The following PAWR variants were observed in gnomAD, a reference collection of about 807,000 sequenced individuals.
The protein encoded by PAWR is PRKC apoptosis WT1 regulator protein.
In PAWR, 23 loss-of-function variants were observed where a neutral mutation model predicts 32.0. The ratio of observed to expected loss-of-function variants is 0.72; its 90% confidence interval spans 0.52 to 1.02. PAWR has a LOEUF of 1.02. PAWR is among the 50% of genes least tolerant of loss of function. The probability of loss-of-function intolerance (pLI) is 0.00; values close to 1 mark genes in which losing one functional copy is unlikely to be tolerated. For missense variants in PAWR, 457 were observed against 437.7 expected (o/e 1.04, Z -0.39); for synonymous variants, 226 against 187.1 (o/e 1.21, Z -1.70).
intron 2 of PAWR, among the ~76,000 whole-genome samples, chr12:79,632,337 A>ATATG (rs1875716438): frequency 2.0e-5 from 1 of 50,950 alleles, no homozygotes; most frequent in Non-Finnish European, 2.8e-5. Flanking sequence ...ATATATATAT[A>ATATG]TATATATATA....
chr12:79,602,044 T>C (rs1401648871), intron 4 of PAWR, among the ~76,000 whole-genome samples: 3 of 152,190 alleles, frequency 2.0e-5, no homozygotes, highest in African/African-American at 4.8e-5. Flanking sequence ...TATTTTGTAA[T>C]AGTTAAACTA....
intron 2 of PAWR, among the ~76,000 whole-genome samples, chr12:79,665,981 TATC>T (rs1247789372): frequency 6.6e-6 from 1 of 152,210 alleles, no homozygotes; most frequent in Non-Finnish European, 1.5e-5. Flanking sequence ...TAGGTGAAAG[TATC>T]ATCAGATAAC....
intron 4 of PAWR, among the ~76,000 whole-genome samples, chr12:79,610,074 T>C (rs539545472): frequency 1.3e-5 from 2 of 152,244 alleles, no homozygotes; most frequent in East Asian, 3.9e-4. Flanking sequence ...TGAGTGGAAT[T>C]TGCCCCTGCC....
intron 2 of PAWR, among the ~76,000 whole-genome samples, chr12:79,669,896 T>TTGC (rs1311422068): frequency 2.0e-5 from 3 of 152,102 alleles, no homozygotes; most frequent in African/African-American, 7.2e-5. Context: ...AGATGGGGTT[T>TTGC]TGCCATGTTG....
In PAWR at chr12:79,589,589, TATAA is replaced by T. The variant is rs908359013; in HGVS notation, c.*3014_*3017del. ...TATATTTAGTAAATCCCTTAGTACCTATAAATACACACCCAAAAGCCCTTCCCTC... is the reference window on the plus strand; with the variant it reads ...TATATTTAGTAAATCCCTTAGTACCTATACACACCCAAAAGCCCTTCCCTC... On this transcript the variant is annotated 3_prime_UTR_variant, in exon 7 of 7. Transcript: ENST00000328827. 1.5e-4 allele frequency: 23 copies of T among 152,244 alleles called. No individual in the cohort carries two copies. Among genetic ancestry groups the T allele is most frequent in the African/African-American group, 5.1e-4 (21 of 41,562 alleles). The allele number at this position is 152,244 out of a possible 1,614,324, so 9.4% of individuals were successfully genotyped here.
intron 2 of PAWR, among the ~76,000 whole-genome samples, chr12:79,659,324 T>A (rs899985374): frequency 3.3e-5 from 5 of 151,854 alleles, no homozygotes; most frequent in Non-Finnish European, 5.9e-5. Context: ...AAATTCAAGC[T>A]AAAAAAATAT....
At chr12:79,604,632 T>C (rs1874096527) in intron 4 of PAWR, 2 of 1,286,450 alleles carry the variant, frequency 1.6e-6, no homozygotes, top group Non-Finnish European at 2.0e-6. Flanking sequence ...TCCATCCTTT[T>C]AGTATCTTTC....
intron 2 of PAWR, among the ~76,000 whole-genome samples, chr12:79,685,972 C>T (rs1878662331): frequency 6.6e-6 from 1 of 152,158 alleles, no homozygotes; most frequent in African/African-American, 2.4e-5. Context: ...TCTAAGTCTT[C>T]ATTTTCTCCT....
chr12:79,640,200 G>T (rs1326096193), intron 2 of PAWR, among the ~76,000 whole-genome samples: 1 of 152,044 alleles, frequency 6.6e-6, no homozygotes, highest in Non-Finnish European at 1.5e-5. Flanking sequence ...ACCGTGCCTG[G>T]CCATAAATCT....
At chr12:79,595,836 G>C (rs1371283360) in intron 5 of PAWR, among the ~76,000 whole-genome samples, 2 of 152,044 alleles carry the variant, frequency 1.3e-5, no homozygotes, top group Non-Finnish European at 2.9e-5. Flanking sequence ...TAGGCAACAA[G>C]AGCGAAACTC....
intron 2 of PAWR, among the ~76,000 whole-genome samples, chr12:79,665,713 A>T (rs1877569460): frequency 6.6e-6 from 1 of 152,040 alleles, no homozygotes; most frequent in South Asian, 2.1e-4. Context: ...TTCCATTCCA[A>T]GTCTTAGTCT....
chr12:79,688,223 T>G (rs913850970), intron 2 of PAWR: 2 of 147,702 alleles, frequency 1.4e-5, no homozygotes, highest in African/African-American at 5.0e-5. Flanking sequence ...ACATTACCCT[T>G]GTTTAAAAAA....
intron 2 of PAWR, among the ~76,000 whole-genome samples, chr12:79,686,666 A>C (rs945657368): frequency 3.3e-5 from 5 of 152,138 alleles, no homozygotes; most frequent in Non-Finnish European, 1.5e-5. Flanking sequence ...TATACTATAC[A>C]AACAATTATG....
At chr12:79,648,927 GC>G (rs1437795717) in intron 2 of PAWR, among the ~76,000 whole-genome samples, 1 of 152,122 alleles carries the variant, frequency 6.6e-6, no homozygotes, top group Non-Finnish European at 1.5e-5. Context: ...TGCTATTCAT[GC>G]TTTTAAAATG....
In PAWR at chr12:79,644,872, G is replaced by A. The variant is rs147786254; in HGVS notation, c.517-23665C>T. ...CACCTCAGACAAACTTTAAATTTCT[G>A]AGGGAAACAAAGTAATTTTAGGTAA... On this transcript the variant is annotated intron_variant, in intron 2 of 6. Transcript: ENST00000328827. Among the ~76,000 whole-genome samples the A allele has an allele frequency of 2.4e-4, 37 of 152,164 alleles. No individual in the cohort carries two copies. The East Asian group carries it at 6.7e-3, about 28-fold the overall frequency.
chr12:79,649,905 G>C (rs946759333), intron 2 of PAWR, among the ~76,000 whole-genome samples: 1 of 152,212 alleles, frequency 6.6e-6, no homozygotes, highest in Non-Finnish European at 1.5e-5. Context: ...GGTAGGTTTT[G>C]GGATGAAACT....
intron 3 of PAWR, among the ~76,000 whole-genome samples, chr12:79,615,104 T>C (rs1183983005): frequency 5.9e-5 from 9 of 152,234 alleles, no homozygotes; most frequent in East Asian, 1.9e-4. Context: ...AAAATCTTAA[T>C]TGAATTTTCT....
intron 2 of PAWR, among the ~76,000 whole-genome samples, chr12:79,687,356 A>G (rs1164705259): frequency 6.6e-6 from 1 of 152,200 alleles, no homozygotes; most frequent in African/African-American, 2.4e-5. Context: ...TGAGGTAATG[A>G]AAGTCACAAT....
chr12:79,660,067 C>T (rs906114436), intron 2 of PAWR, among the ~76,000 whole-genome samples: 2 of 152,152 alleles, frequency 1.3e-5, no homozygotes, highest in Admixed American at 1.3e-4. Context: ...AACAGTTTTG[C>T]AGATAAAACT....
Sources: gnomAD v4.1 joint callset for allele counts (sites outside exome capture counted in the v4.1 genomes callset) on GRCh38, gnomAD v4.1.1 for gene constraint, MANE v1.5 for transcripts, NCBI Gene and HGNC (gene_info 2026-07-23, HGNC 2026-07-21) for gene names.